DAB1: variants seen among roughly 807,000 people sequenced by gnomAD.
DAB1 encodes DAB adaptor protein 1.
Under a neutral mutation model 64.6 loss-of-function variants are expected in DAB1, and 15 were observed. The ratio of observed to expected loss-of-function variants is 0.23; its 90% CI spans 0.16 to 0.36. DAB1 has a LOEUF of 0.36. DAB1 is among the 10% of genes least tolerant of loss of function. The pLI, the probability that DAB1 is intolerant of heterozygous loss-of-function variation, is 1.00. For missense variants in DAB1, 596 were observed against 706.7 expected, an observed-to-expected ratio of 0.84 and a Z score of 1.78; for synonymous variants, 235 against 251.9, an observed-to-expected ratio of 0.93 and a Z score of 0.64.
intron 6 of DAB1, among the ~76,000 whole-genome samples, chr1:57,753,647 C>CA (rs1270834454): frequency 6.6e-6 from 1 of 152,152 alleles, no homozygotes; most frequent in Non-Finnish European, 1.5e-5. Context: ...GATGTTTATC[C>CA]ACATTTCATC....
At chr1:57,695,213 G>A (rs925601056) in intron 6 of DAB1, among the ~76,000 whole-genome samples, 1 of 149,904 alleles carries the variant, frequency 6.7e-6, no homozygotes, top group Non-Finnish European at 1.5e-5. Flanking sequence ...GACAGAGCAA[G>A]ACCCTGTTTC....
chr1:57,041,373 T>G (rs2100479464), intron 9 of DAB1, among the ~76,000 whole-genome samples: 1 of 152,254 alleles, frequency 6.6e-6, no homozygotes, highest in South Asian at 2.1e-4. Flanking sequence ...AACAGCAAAG[T>G]TAGGGAAACT....
intron 6 of DAB1, among the ~76,000 whole-genome samples, chr1:57,750,216 T>A (rs1449651579): frequency 6.6e-6 from 1 of 152,168 alleles, no homozygotes; most frequent in African/African-American, 2.4e-5. Flanking sequence ...GAAGATGCCA[T>A]CTCTCCTTCC....
At chr1:57,895,898 C>CT (rs1336870026) in intron 5 of DAB1, among the ~76,000 whole-genome samples, 4 of 152,176 alleles carry the variant, frequency 2.6e-5, no homozygotes, top group Non-Finnish European at 1.5e-5. Flanking sequence ...TGTGAAAGAG[C>CT]TATCAAAACC....
intron 7 of DAB1, among the ~76,000 whole-genome samples, chr1:57,583,218 C>T (rs1386020330): frequency 6.6e-6 from 1 of 151,982 alleles, no homozygotes; most frequent in Non-Finnish European, 1.5e-5. Flanking sequence ...CTAAAGCATA[C>T]ATGTACAAAC....
intron 2 of DAB1, among the ~76,000 whole-genome samples, chr1:57,204,653 T>C (rs1305859223): frequency 2.6e-5 from 4 of 152,186 alleles, no homozygotes; most frequent in African/African-American, 9.6e-5. Context: ...GAGCCTCAGT[T>C]TCCTTATATG....
At position 57,146,570 on chromosome 1, in the gene DAB1, C is replaced by T. The variant is rs79154565; in HGVS notation, c.68-1141G>A. 6.8e-3 allele frequency among the ~76,000 whole-genome samples: 1,042 copies of T among 152,188 alleles called. 10 individuals are homozygous for T. The highest frequency in any genetic ancestry group is 0.022 in the African/African-American group (902 of 41,526). Reference sequence around the variant, plus strand: ...TCTATATTGTGGGGTTGAGAATTATCGGAAGACATGCTTAAAATAGAAAAA... The same window carrying T: ...TCTATATTGTGGGGTTGAGAATTATTGGAAGACATGCTTAAAATAGAAAAA... On this transcript the variant is annotated intron_variant, in intron 2 of 14. Transcript: ENST00000371236.
At chr1:58,489,284 CAGG>C (rs1645632861) in intron 3 of DAB1, among the ~76,000 whole-genome samples, 1 of 152,204 alleles carries the variant, frequency 6.6e-6, no homozygotes, top group Non-Finnish European at 1.5e-5. Flanking sequence ...AACGGCACAC[CAGG>C]AGATTATATC....
At chr1:57,044,446 C>T (rs1183707322) in intron 9 of DAB1, among the ~76,000 whole-genome samples, 4 of 152,120 alleles carry the variant, frequency 2.6e-5, no homozygotes, top group Admixed American at 2.0e-4. Context: ...AAAACGATAA[C>T]AAAAAAGACA....
chr1:57,775,833 T>A (rs1162456750), intron 6 of DAB1, among the ~76,000 whole-genome samples: 1 of 151,730 alleles, frequency 6.6e-6, no homozygotes, highest in Non-Finnish European at 1.5e-5. Flanking sequence ...AATCTTGTTA[T>A]TTTTCCTTTC....
At chr1:57,403,178 C>A (rs1365273394) in intron 1 of DAB1, among the ~76,000 whole-genome samples, 1 of 152,160 alleles carries the variant, frequency 6.6e-6, no homozygotes, top group African/African-American at 2.4e-5. Flanking sequence ...CAATCCTGAC[C>A]ATAGTGACTG....
intron 7 of DAB1, among the ~76,000 whole-genome samples, chr1:57,642,763 C>T (rs776300894): frequency 3.9e-5 from 6 of 152,178 alleles, no homozygotes; most frequent in Non-Finnish European, 7.3e-5. Context: ...GTGTTATGAA[C>T]ATCAGCGTGT....
rs185285901 is a variant in DAB1, at chr1:57,312,498, G to T, written c.-136-21332C>A. ...ACATAATTTTATCTAAGCAGATGCC[G>T]TCTACAATAATTTAGAAATCTCTTC... On this transcript the variant is annotated intron_variant, in intron 1 of 14. Coordinates refer to ENST00000371236, the MANE Select transcript of DAB1 (RefSeq NM_001365792.1). 5.5e-4 allele frequency among the ~76,000 whole-genome samples: 84 copies of T among 152,260 alleles called. 1 individual carries two copies. In the South Asian group the frequency reaches 0.015, roughly 27 times the overall value.
intron 6 of DAB1, among the ~76,000 whole-genome samples, chr1:57,749,736 G>C (rs992962599): frequency 6.6e-6 from 1 of 152,146 alleles, no homozygotes; most frequent in Non-Finnish European, 1.5e-5. Context: ...AAGTAGAACA[G>C]AGAAAGGGAG....
chr1:57,232,284 C>CTTTTT (rs74940041), intron 2 of DAB1, among the ~76,000 whole-genome samples: 5,190 of 81,522 alleles, frequency 0.064, 922 homozygotes, highest in Admixed American at 0.14. Flanking sequence ...GCAGTGGCCA[C>CTTTTT]TTTTTTTTTT....
intron 4 of DAB1, among the ~76,000 whole-genome samples, chr1:58,219,019 C>CTG (rs1244871369): frequency 2.4e-5 from 3 of 126,168 alleles, no homozygotes; most frequent in African/African-American, 9.0e-5. Context: ...CTCTCTCTCT[C>CTG]TCTCTCTGTG....
At chr1:58,309,834 G>A (rs951003632) in intron 4 of DAB1, among the ~76,000 whole-genome samples, 2 of 152,154 alleles carry the variant, frequency 1.3e-5, no homozygotes, top group Non-Finnish European at 2.9e-5. Context: ...GAACTGCTCA[G>A]AGAGGTAATA....
chr1:58,251,361 G>A (rs1031855845), intron 4 of DAB1, among the ~76,000 whole-genome samples: 2 of 152,184 alleles, frequency 1.3e-5, no homozygotes, highest in African/African-American at 4.8e-5. Flanking sequence ...TAGTAAGACG[G>A]AAAATAAACA....
intron 5 of DAB1, among the ~76,000 whole-genome samples, chr1:57,935,769 C>CTGCCCTAGA (rs1645016001): frequency 1.3e-5 from 2 of 152,110 alleles, no homozygotes; most frequent in Admixed American, 1.3e-4. Context: ...GCATAAAAAG[C>CTGCCCTAGA]TGCCCTAGAT....
Sources: allele counts gnomAD v4.1 joint callset (sites outside exome capture counted in the v4.1 genomes callset), GRCh38; gene constraint gnomAD v4.1.1; transcripts MANE v1.5; gene names NCBI Gene and HGNC (gene_info 2026-07-23, HGNC 2026-07-21).